Variants in RAPH1 observed in about 807,000 individuals in gnomAD.
RAPH1 encodes Ras association (RalGDS/AF-6) and pleckstrin homology domains 1.
A neutral mutation model predicts 88.1 loss-of-function variants in RAPH1; 18 were observed. The ratio of observed to expected loss-of-function variants is 0.20; its 90% CI spans 0.14 to 0.30. RAPH1 has a LOEUF of 0.30. Among genes scored for constraint, RAPH1 ranks in the 10% least tolerant of loss-of-function variants. The pLI is 1.00. For synonymous variants in RAPH1, 587 were observed against 559.0 expected (o/e 1.05, Z -0.71); for missense variants, 1,448 against 1,543.2 (o/e 0.94, Z 1.03).
intron 1 of RAPH1, among the ~76,000 whole-genome samples, chr2:203,529,105 A>C (rs957353338): frequency 7.2e-6 from 1 of 139,082 alleles, no homozygotes; most frequent in East Asian, 2.3e-4. Flanking sequence ...CAGCCTCCCG[A>C]GTTAACTGCA....
Position 203,448,669 on chromosome 2 carries a change from C to A in RAPH1, c.1512+69G>T. ...AACATGAAATAGTCAGAATAGTTGT[C>A]ATGAAAACGAAAACTATATCATCGA... On this transcript the variant is annotated intron_variant, in intron 11 of 13. Transcript: ENST00000319170. The surrounding 1 kb of genome is among the most constrained non-coding windows in gnomAD (Gnocchi z 4.1). The A allele has an allele frequency of 9.3e-7, 1 of 1,073,674 alleles. No individual in the cohort carries two copies. Among genetic ancestry groups the A allele is most frequent in the South Asian group, 1.6e-5 (1 of 63,624 alleles). The allele number at this position is 1,073,674 out of a possible 1,614,324, so 66.5% of individuals were successfully genotyped here. A position where few individuals can be genotyped will look rare whatever the true frequency, so the allele number is the denominator to read the frequency against.
At chr2:203,506,872 A>G (rs1283451658) in intron 1 of RAPH1, among the ~76,000 whole-genome samples, 4 of 96,298 alleles carry the variant, frequency 4.2e-5, no homozygotes, top group Non-Finnish European at 2.0e-5. Context: ...ATATATATAT[A>G]TATATATAGA....
At chr2:203,512,183 C>T (rs1207525868) in intron 1 of RAPH1, among the ~76,000 whole-genome samples, 1 of 151,458 alleles carries the variant, frequency 6.6e-6, no homozygotes, top group African/African-American at 2.4e-5. Context: ...AATCTCAACA[C>T]TTTGGGAGGC....
chr2:203,494,456 G>C (rs1249114264), intron 2 of RAPH1, among the ~76,000 whole-genome samples: 2 of 152,054 alleles, frequency 1.3e-5, no homozygotes, highest in African/African-American at 4.8e-5. Flanking sequence ...TTTTGCCACT[G>C]TTTTAAAATG....
In RAPH1 at chr2:203,535,258, G is replaced by GTGACTGAGTGAC. The variant is rs1161172750; in HGVS notation, c.-149_-148insGTCACTCAGTCA. On this transcript the variant is annotated 5_prime_UTR_variant, in exon 1 of 14. Coordinates refer to ENST00000319170, the MANE Select transcript of RAPH1 (RefSeq NM_213589.3). Reference sequence around the variant, plus strand: ...CAGCAGCTCCCGCGCCGCGCGCTCAGTGACTGACTGACTGACTGACTGACT... The same window carrying GTGACTGAGTGAC: ...CAGCAGCTCCCGCGCCGCGCGCTCAGTGACTGAGTGACTGACTGACTGACTGACTGACTGACT... 9 of 146,522 alleles carry GTGACTGAGTGAC rather than the reference G, an allele frequency of 6.1e-5. No homozygotes were observed. The highest frequency in any genetic ancestry group is 2.2e-4 in the African/African-American group (9 of 40,004). The allele number at this position is 146,522 out of a possible 1,614,324, so 9.1% of individuals were successfully genotyped here.
intron 1 of RAPH1, among the ~76,000 whole-genome samples, chr2:203,506,901 T>TAA: frequency 8.8e-6 from 1 of 113,988 alleles, no homozygotes; most frequent in South Asian, 2.6e-4. Flanking sequence ...TATATATATT[T>TAA]TTTTTTTTTT....
chr2:203,514,208 G>T (rs889725139), intron 1 of RAPH1, among the ~76,000 whole-genome samples: 1 of 152,142 alleles, frequency 6.6e-6, no homozygotes, highest in African/African-American at 2.4e-5. Context: ...ATTACTTAAG[G>T]GGAGGGAGCA....
chr2:203,445,048 G>C, intron 12 of RAPH1, 38 bp from the exon 13 acceptor site: 4 of 1,585,550 alleles, frequency 2.5e-6, no homozygotes, highest in Non-Finnish European at 3.5e-6. Flanking sequence ...GTTTAAAAGA[G>C]TCAGTATTCT....
In RAPH1 at chr2:203,448,757, T is replaced by C. The variant is rs201565612; in HGVS notation, c.1493A>G (p.Asn498Ser). ...DDVRTLHQWV[N>S]GIRIAKYGKQ... ...ACATGCCTTTGCAATGCGGATCCCA[T>C]TGACCCACTGATGCAGTGTCCTCAC... The change falls in exon 11 of 14, where the codon AAT (asparagine) becomes AGT (serine). Residue 498 changes from asparagine (N) to serine (S), a missense_variant. This residue lies in a region of RAPH1 where 513 missense variants were observed against 653.1 expected (regional missense o/e 0.79). Coordinates refer to ENST00000319170, the MANE Select transcript of RAPH1 (RefSeq NM_213589.3). The surrounding 1 kb of genome is among the most constrained non-coding windows in gnomAD (Gnocchi z 4.1). 272 of 1,606,576 alleles carry C rather than the reference T, an allele frequency of 1.7e-4. 1 individual carries two copies. Among genetic ancestry groups the C allele is most frequent in the Middle Eastern group, 6.6e-4 (4 of 6,064 alleles).
intron 7 of RAPH1, among the ~76,000 whole-genome samples, chr2:203,459,472 A>C (rs1394198238): frequency 6.6e-6 from 1 of 152,238 alleles, no homozygotes; most frequent in Non-Finnish European, 1.5e-5. Context: ...AGCCATTTGT[A>C]ATCAAGGTTA....
chr2:203,517,052 G>C (rs953975148), intron 1 of RAPH1, among the ~76,000 whole-genome samples: 1 of 129,566 alleles, frequency 7.7e-6, no homozygotes, highest in Non-Finnish European at 1.8e-5. Context: ...AAAAAATAAA[G>C]AAAGAAAGAA....
intron 13 of RAPH1, chr2:203,442,334 GGACCCTT>G (rs770083452): frequency 1.2e-5 from 4 of 334,372 alleles, no homozygotes; most frequent in Non-Finnish European, 2.2e-5. Context: ...AGGAAAGGAA[GGACCCTT>G]GTTTTAAAAA....
In RAPH1 at chr2:203,433,895, C is replaced by CACTG. The variant is rs1226285498; in HGVS notation, c.*5538_*5541dup. On this transcript the variant is annotated 3_prime_UTR_variant, in exon 14 of 14. Transcript: ENST00000319170. ...AAAACATGTAAATGAAAAACATTTA[C>CACTG]ACTGACTGTACGACTAGTGTGCTAA... 4.6e-5 allele frequency: 7 copies of CACTG among 152,520 alleles called. No homozygotes were observed. Among genetic ancestry groups the CACTG allele is most frequent in the South Asian group, 4.1e-4 (2 of 4,824 alleles). 9.4% of individuals were successfully genotyped at this position (152,520 alleles called of 1,614,324 possible). A position where few individuals can be genotyped will look rare whatever the true frequency, so the allele number is the denominator to read the frequency against.
intron 1 of RAPH1, among the ~76,000 whole-genome samples, chr2:203,506,872 A>ATC (rs1581382525): frequency 1.1e-4 from 11 of 96,302 alleles, no homozygotes; most frequent in East Asian, 2.5e-4. Context: ...ATATATATAT[A>ATC]TATATATAGA....
At chr2:203,458,903 C>T (rs922573028) in intron 7 of RAPH1, among the ~76,000 whole-genome samples, 1 of 152,138 alleles carries the variant, frequency 6.6e-6, no homozygotes, top group Non-Finnish European at 1.5e-5. Flanking sequence ...GCTGGGACTA[C>T]AGGCGCCCGA....
At chr2:203,465,347 G>C (rs1559464892) in intron 4 of RAPH1, among the ~76,000 whole-genome samples, 1 of 152,108 alleles carries the variant, frequency 6.6e-6, no homozygotes, top group East Asian at 1.9e-4. Context: ...AAGACATGAA[G>C]GAACATTAAG....
chr2:203,505,184 T>C (rs1158883342), intron 1 of RAPH1, among the ~76,000 whole-genome samples: 1 of 152,114 alleles, frequency 6.6e-6, no homozygotes, highest in Admixed American at 6.6e-5. Flanking sequence ...TTTACTGCAT[T>C]AGTCCATTTT....
At chr2:203,460,141 T>C in intron 6 of RAPH1, 113 bp from the exon 7 acceptor site, 1 of 884,454 alleles carries the variant, frequency 1.1e-6, no homozygotes, top group Non-Finnish European at 1.7e-6. Context: ...ACCGACATTT[T>C]AGCACCTAAA....
intron 1 of RAPH1, among the ~76,000 whole-genome samples, chr2:203,496,953 T>A (rs1688543566): frequency 2.0e-5 from 3 of 152,206 alleles, no homozygotes; most frequent in Admixed American, 1.3e-4. Context: ...GGGCATTCCA[T>A]TAAAAAAGAT....
Sources: allele counts gnomAD v4.1 joint callset (sites outside exome capture counted in the v4.1 genomes callset), GRCh38; gene constraint gnomAD v4.1.1; regional missense constraint gnomAD v4.1.1; non-coding constraint Gnocchi (gnomAD v3.1); transcripts MANE v1.5; gene names NCBI Gene and HGNC (gene_info 2026-07-23, HGNC 2026-07-21).